Variants in CTNNA2 observed in about 807,000 individuals in gnomAD.
CTNNA2 encodes catenin alpha-2.
In CTNNA2, 42 loss-of-function variants were observed where a neutral mutation model predicts 101.0. The observed-to-expected ratio is 0.42, with a 90% CI of 0.32 to 0.54. The LOEUF (loss-of-function observed/expected upper bound fraction) is 0.54. Among genes scored for constraint, CTNNA2 ranks in the 20% least tolerant of loss-of-function variants. CTNNA2 has a pLI of 0.14. For missense variants in CTNNA2, 871 were observed against 1,223.1 expected (o/e 0.71, Z 4.29); for synonymous variants, 450 against 456.4 (o/e 0.99, Z 0.18).
intron 9 of CTNNA2, among the ~76,000 whole-genome samples, chr2:80,534,695 A>C (rs574309332): frequency 6.6e-6 from 1 of 152,286 alleles, no homozygotes; most frequent in South Asian, 2.1e-4. Context: ...AAGAAGAAAC[A>C]GTGTTGAGGA....
chr2:80,322,318 C>T (rs1370619718), intron 7 of CTNNA2, among the ~76,000 whole-genome samples: 6 of 152,126 alleles, frequency 3.9e-5, no homozygotes, highest in African/African-American at 1.4e-4. Context: ...TTTTATGTAG[C>T]GTGAAAACAG....
intron 7 of CTNNA2, among the ~76,000 whole-genome samples, chr2:80,198,419 A>G (rs973363534): frequency 3.3e-5 from 5 of 152,206 alleles, no homozygotes; most frequent in South Asian, 2.1e-4. Context: ...AAATTAGTGA[A>G]AGGAGTGAAA....
intron 4 of CTNNA2, among the ~76,000 whole-genome samples, chr2:79,482,431 C>T (rs768852531): frequency 4.6e-5 from 7 of 152,284 alleles, no homozygotes; most frequent in African/African-American, 1.2e-4. Context: ...GATTTGGAAA[C>T]GTGGGCTAGT....
chr2:79,540,742 C>T (rs1384240255), intron 1 of CTNNA2, among the ~76,000 whole-genome samples: 2 of 152,150 alleles, frequency 1.3e-5, no homozygotes, highest in East Asian at 1.9e-4. Flanking sequence ...GTCGCTTATA[C>T]ATTTAAAAAA....
chr2:79,670,834 C>T (rs946910883), intron 2 of CTNNA2, among the ~76,000 whole-genome samples: 1 of 152,032 alleles, frequency 6.6e-6, no homozygotes, highest in Non-Finnish European at 1.5e-5. Flanking sequence ...AGGTTTATTT[C>T]GATTTCAAGA....
intron 7 of CTNNA2, among the ~76,000 whole-genome samples, chr2:80,349,639 G>A (rs1185485626): frequency 1.3e-5 from 2 of 151,254 alleles, no homozygotes; most frequent in Non-Finnish European, 2.9e-5. Flanking sequence ...ATTTTCACTG[G>A]TATCTTGTTA....
At chr2:79,622,521 C>T (rs1204272125) in intron 1 of CTNNA2, among the ~76,000 whole-genome samples, 1 of 152,082 alleles carries the variant, frequency 6.6e-6, no homozygotes, top group Non-Finnish European at 1.5e-5. Flanking sequence ...GCAAAAAAAC[C>T]ATCCAAATGA....
intron 4 of CTNNA2, among the ~76,000 whole-genome samples, chr2:79,441,251 C>A (rs891039590): frequency 2.6e-5 from 4 of 152,196 alleles, no homozygotes; most frequent in Non-Finnish European, 5.9e-5. Flanking sequence ...TCAACTATAA[C>A]TTATGTACCA....
At chr2:80,638,156 A>G (rs955784792) in intron 18 of CTNNA2, among the ~76,000 whole-genome samples, 2 of 152,176 alleles carry the variant, frequency 1.3e-5, no homozygotes, top group Non-Finnish European at 2.9e-5. Context: ...TGGCTCTCCT[A>G]TCGGTAAGGC....
At chr2:79,768,260 G>A (rs1398776273) in intron 3 of CTNNA2, among the ~76,000 whole-genome samples, 3 of 151,566 alleles carry the variant, frequency 2.0e-5, no homozygotes, top group African/African-American at 7.3e-5. Context: ...GGTCAGGGAG[G>A]GGTGGCTTCA....
intron 2 of CTNNA2, among the ~76,000 whole-genome samples, chr2:79,707,832 T>C (rs1022476073): frequency 5.3e-5 from 8 of 152,154 alleles, no homozygotes; most frequent in Non-Finnish European, 1.0e-4. Flanking sequence ...TTCGAGAGAC[T>C]TTCCAGCTTG....
chr2:79,842,718 A>T (rs551462997), intron 3 of CTNNA2, among the ~76,000 whole-genome samples: 10 of 150,288 alleles, frequency 6.7e-5, no homozygotes, highest in East Asian at 3.9e-4. Flanking sequence ...TTTTTTTTTT[A>T]AATCTTTGAA....
At chr2:80,471,823 A>T (rs868654532) in intron 9 of CTNNA2, among the ~76,000 whole-genome samples, 16 of 151,596 alleles carry the variant, frequency 1.1e-4, no homozygotes, top group Non-Finnish European at 1.5e-5. Context: ...AGTTTGTTAA[A>T]AAAAAAATGC....
At chr2:80,592,928 C>T (rs756447410) in intron 15 of CTNNA2, among the ~76,000 whole-genome samples, 11 of 152,060 alleles carry the variant, frequency 7.2e-5, no homozygotes, top group Admixed American at 1.3e-4. Flanking sequence ...AGCAGTAATG[C>T]GGTAATACTT....
intron 12 of CTNNA2, among the ~76,000 whole-genome samples, chr2:80,570,722 C>G (rs1271466768): frequency 6.6e-6 from 1 of 151,942 alleles, no homozygotes; most frequent in Non-Finnish European, 1.5e-5. Context: ...TTTTTTCTTC[C>G]TTGAAAGGTC....
chr2:79,254,319 G>A (rs1195614233), intron 2 of CTNNA2, among the ~76,000 whole-genome samples: 1 of 152,224 alleles, frequency 6.6e-6, no homozygotes, highest in Non-Finnish European at 1.5e-5. Flanking sequence ...GTAATATCCA[G>A]TGTTGGAGGT....
chr2:79,191,160 G>C (rs1232119832), intron 1 of CTNNA2, among the ~76,000 whole-genome samples: 2 of 152,184 alleles, frequency 1.3e-5, no homozygotes, highest in Admixed American at 1.3e-4. Flanking sequence ...TGTGGGACTG[G>C]GCGGGAAATG....
intron 3 of CTNNA2, among the ~76,000 whole-genome samples, chr2:79,827,952 G>A (rs1469294148): frequency 6.6e-6 from 1 of 152,028 alleles, no homozygotes; most frequent in Non-Finnish European, 1.5e-5. Context: ...ATTTTTGTCT[G>A]GTCCACCTGA....
At chr2:80,563,669 C>T (rs1693805470) in intron 12 of CTNNA2, among the ~76,000 whole-genome samples, 2 of 152,110 alleles carry the variant, frequency 1.3e-5, no homozygotes, top group Non-Finnish European at 1.5e-5. Context: ...GAGCCCATCC[C>T]ACTTGGCTCC....
Sources: allele counts gnomAD v4.1 joint callset (sites outside exome capture counted in the v4.1 genomes callset), GRCh38; gene constraint gnomAD v4.1.1; transcripts MANE v1.5; gene names NCBI Gene and HGNC (gene_info 2026-07-23, HGNC 2026-07-21).